The following STX18 variants were observed in gnomAD, a reference collection of about 807,000 sequenced individuals.
The protein encoded by STX18 is syntaxin 18.
STX18 carries 40 observed loss-of-function variants against 50.1 expected under a neutral mutation model. The observed-to-expected ratio is 0.80, with a 90% CI of 0.62 to 1.04. STX18 has a LOEUF of 1.04. Ranked by LOEUF, STX18 falls within the 50% of genes least tolerant of loss-of-function variation. STX18 has a pLI of 0.00. For missense variants in STX18, 410 were observed against 415.8 expected, an observed-to-expected ratio of 0.99 and a Z score of 0.12; for synonymous variants, 158 against 151.8, an observed-to-expected ratio of 1.04 and a Z score of -0.30.
chr4:4,513,183 C>T (rs1025210538), intron 1 of STX18, among the ~76,000 whole-genome samples: 26 of 152,214 alleles, frequency 1.7e-4, no homozygotes, highest in African/African-American at 5.3e-4. Context: ...CTCAGAAATT[C>T]GGTTCTATGT....
intron 5 of STX18, among the ~76,000 whole-genome samples, chr4:4,448,529 G>A (rs760443106): frequency 3.3e-5 from 5 of 151,922 alleles, no homozygotes; most frequent in South Asian, 2.1e-4. Flanking sequence ...TTTAGTGGAG[G>A]TGGGGTTTTG....
chr4:4,459,062 G>A (rs62289813), intron 3 of STX18, among the ~76,000 whole-genome samples: 96 of 144,370 alleles, frequency 6.6e-4, no homozygotes, highest in African/African-American at 1.6e-3. Flanking sequence ...ACACACACAC[G>A]CACACACACA....
At chr4:4,474,251 C>A (rs1728064449) in intron 1 of STX18, among the ~76,000 whole-genome samples, 1 of 152,182 alleles carries the variant, frequency 6.6e-6, no homozygotes, top group Middle Eastern at 3.2e-3. Flanking sequence ...ATAACAATGA[C>A]TAGTTCATAA....
chr4:4,478,342 AT>A (rs1474798673), intron 1 of STX18, among the ~76,000 whole-genome samples: 1 of 152,104 alleles, frequency 6.6e-6, no homozygotes, highest in African/African-American at 2.4e-5. Context: ...CCATAGGGGT[AT>A]TGAGAAGAAG....
intron 1 of STX18, among the ~76,000 whole-genome samples, chr4:4,484,816 T>C (rs1324885206): frequency 6.6e-6 from 1 of 152,232 alleles, no homozygotes; most frequent in African/African-American, 2.4e-5. Context: ...TAATAATGAC[T>C]ACTTTCTTTT....
chr4:4,451,773 G>A (rs985332363), intron 5 of STX18, among the ~76,000 whole-genome samples: 3 of 152,004 alleles, frequency 2.0e-5, no homozygotes, highest in South Asian at 4.2e-4. Context: ...CCCTCTCCTC[G>A]GGCCGTCCTA....
intron 2 of STX18, among the ~76,000 whole-genome samples, chr4:4,462,121 G>C (rs1398126656): frequency 1.3e-5 from 2 of 152,142 alleles, no homozygotes; most frequent in Admixed American, 6.5e-5. Flanking sequence ...GATATGACAC[G>C]TGGGTCTCCA....
At position 4,465,059 on chromosome 4, in the gene STX18, G is replaced by C. The variant is rs1418920049; in HGVS notation, c.237-5572C>G. On this transcript the variant is annotated intron_variant, in intron 2 of 10. Transcript: ENST00000306200. ...CGAGATCTTTTTAGCTTTTTGATGT[G>C]GGCATTTAGTGCTATAAATTTCCCT... Among the ~76,000 whole-genome samples, 4 of 152,024 alleles carry C rather than the reference G, an allele frequency of 2.6e-5. 1 individual carries two copies. The South Asian group carries it at 8.3e-4, about 32-fold the overall frequency.
chr4:4,493,878 C>T (rs184038127), intron 1 of STX18, among the ~76,000 whole-genome samples: 11 of 152,280 alleles, frequency 7.2e-5, no homozygotes, highest in African/African-American at 1.2e-4. Flanking sequence ...GATACAACAG[C>T]CTCATTTTCA....
chr4:4,533,857 A>T (rs1731214555), intron 1 of STX18, among the ~76,000 whole-genome samples: 1 of 152,230 alleles, frequency 6.6e-6, no homozygotes, highest in African/African-American at 2.4e-5. Flanking sequence ...TTCTTCATGG[A>T]ATGCAGGAGA....
chr4:4,526,137 A>G lies in STX18; in HGVS notation c.168+15660T>C, dbSNP rs1360128275. Among the ~76,000 whole-genome samples, 11 of 152,244 alleles carry G rather than the reference A, an allele frequency of 7.2e-5. No homozygotes were observed. In the South Asian group the frequency reaches 8.3e-4, roughly 12 times the overall value. On this transcript the variant is annotated intron_variant, in intron 1 of 10. Transcript: ENST00000306200. Reference sequence around the variant, plus strand: ...GAATGAGCGGTACTGAGCGCTTCTGAGCCAAAGTAATGATGAAAGCAACAT... The same window carrying G: ...GAATGAGCGGTACTGAGCGCTTCTGGGCCAAAGTAATGATGAAAGCAACAT...
chr4:4,531,356 C>G (rs1461848448), intron 1 of STX18, among the ~76,000 whole-genome samples: 2 of 152,176 alleles, frequency 1.3e-5, no homozygotes, highest in Non-Finnish European at 2.9e-5. Context: ...TCTTCTGTAT[C>G]TGTCTACAAA....
chr4:4,446,052 C>T (rs368990167), intron 5 of STX18, among the ~76,000 whole-genome samples: 23 of 152,106 alleles, frequency 1.5e-4, no homozygotes, highest in Non-Finnish European at 2.4e-4. Flanking sequence ...CTTTTGATGA[C>T]GATGCCAGGT....
Position 4,458,690 on chromosome 4 carries a change from C to T in STX18, c.352+682G>A, listed in dbSNP as rs190610247. Among the ~76,000 whole-genome samples, 296 of 152,272 alleles carry T rather than the reference C, an allele frequency of 1.9e-3. 6 individuals carry two copies. The highest frequency in any genetic ancestry group is 0.016 in the Admixed American group (251 of 15,306). ...AGTGAGATAATAAGCGCTCTTGTGC[C>T]AGACACAGTTCTAAGCATGCTGTAG... On this transcript the variant is annotated intron_variant, in intron 3 of 10. Transcript: ENST00000306200.
At chr4:4,466,883 G>A (rs928623942) in intron 2 of STX18, among the ~76,000 whole-genome samples, 1 of 152,122 alleles carries the variant, frequency 6.6e-6, no homozygotes, top group Non-Finnish European at 1.5e-5. Context: ...TGAAGATTTG[G>A]AGGCTCGATT....
Position 4,425,199 on chromosome 4 carries a change from T to G in STX18, c.726A>C (p.Leu242=), listed in dbSNP as rs1161245599. The G allele has an allele frequency of 6.2e-7, 1 of 1,614,162 alleles. No individual in the cohort carries two copies. The highest frequency in any genetic ancestry group is 2.2e-5 in the East Asian group (1 of 44,888). The part of the protein sequence containing the change: ...IQMFEQENQR[L]IGEMNSLFDE... The stretch of plus-strand genomic sequence containing the variant: ...CAAACAAGCTGTTCATTTCACCAAT[T>G]AGTCGCTGATTTTCCTGTTCAAACT... The change falls in exon 8 of 11, where the codon CTA becomes CTC. Residue 242 remains leucine (L), a synonymous_variant. Transcript: ENST00000306200.
intron 1 of STX18, among the ~76,000 whole-genome samples, chr4:4,517,567 T>A (rs182016903): frequency 6.6e-6 from 1 of 152,308 alleles, no homozygotes; most frequent in African/African-American, 2.4e-5. Context: ...TCTAGCAATT[T>A]TACTAACACT....
At chr4:4,457,284 G>A (rs749364308) in intron 4 of STX18, 27 bp from the exon 5 acceptor site, 31 of 1,610,054 alleles carry the variant, frequency 1.9e-5, no homozygotes, top group Middle Eastern at 1.6e-4. Context: ...TACCAGAAGA[G>A]AGACTGCTTA....
intron 1 of STX18, among the ~76,000 whole-genome samples, chr4:4,533,502 G>A (rs1473477106): frequency 6.6e-6 from 1 of 152,168 alleles, no homozygotes; most frequent in Non-Finnish European, 1.5e-5. Context: ...CCGAGTTCCT[G>A]ACCTATAGCA....
Sources: gnomAD v4.1 joint callset for allele counts (sites outside exome capture counted in the v4.1 genomes callset) on GRCh38, gnomAD v4.1.1 for gene constraint, MANE v1.5 for transcripts, NCBI Gene and HGNC (gene_info 2026-07-23, HGNC 2026-07-21) for gene names.